MAP4K3: variants seen among roughly 807,000 people sequenced by gnomAD.
MAP4K3 encodes the protein mitogen-activated protein kinase kinase kinase kinase 3.
A neutral mutation model predicts 143.5 loss-of-function variants in MAP4K3; 94 were observed. The observed-to-expected ratio is 0.65, with a 90% CI of 0.55 to 0.78. MAP4K3 has a LOEUF of 0.78. Among genes scored for constraint, MAP4K3 ranks in the 30% least tolerant of loss-of-function variants. The pLI, the probability that MAP4K3 is intolerant of heterozygous loss-of-function variation, is 0.00. For missense variants in MAP4K3, 1,077 were observed against 1,068.1 expected (o/e 1.01, Z -0.12); for synonymous variants, 416 against 347.2 (o/e 1.20, Z -2.20).
At chr2:39,371,184 A>T (rs555953255) in intron 2 of MAP4K3, among the ~76,000 whole-genome samples, 1 of 150,902 alleles carries the variant, frequency 6.6e-6, no homozygotes, top group South Asian at 2.1e-4. Flanking sequence ...AAAAGAAAAG[A>T]TAAGAGTTTT....
intron 1 of MAP4K3, among the ~76,000 whole-genome samples, chr2:39,398,756 A>G (rs576719237): frequency 2.0e-4 from 29 of 142,690 alleles, no homozygotes; most frequent in Admixed American, 4.4e-4. Flanking sequence ...TGATGATGAT[A>G]ATAATTGGCC....
chr2:39,314,037 C>T (rs1317015193), intron 13 of MAP4K3, among the ~76,000 whole-genome samples: 1 of 150,342 alleles, frequency 6.7e-6, no homozygotes, highest in African/African-American at 2.4e-5. Flanking sequence ...CCTCTAATTA[C>T]TTTTTTTTTT....
At chr2:39,404,606 CTTCT>C (rs1421937321) in intron 1 of MAP4K3, among the ~76,000 whole-genome samples, 58 of 137,674 alleles carry the variant, frequency 4.2e-4, no homozygotes, top group South Asian at 9.4e-4. Context: ...TTTTTTTTTT[CTTCT>C]TTCTTTCTTT....
chr2:39,294,451 T>C (rs80002758), intron 16 of MAP4K3, among the ~76,000 whole-genome samples: 4,981 of 152,212 alleles, frequency 0.033, 138 homozygotes, highest in Non-Finnish European at 0.043. Context: ...GGTACCACAG[T>C]CAAATATTAT....
intron 13 of MAP4K3, 56 bp from the exon 14 acceptor site, chr2:39,309,575 T>TTTTTTTGG: frequency 9.9e-7 from 1 of 1,009,298 alleles, no homozygotes; most frequent in Non-Finnish European, 1.4e-6. Context: ...TTTTTTTTTT[T>TTTTTTTGG]GAGGCAGAGT....
chr2:39,273,675 A>C (rs1398827136), intron 24 of MAP4K3, among the ~76,000 whole-genome samples: 1 of 152,218 alleles, frequency 6.6e-6, no homozygotes, highest in East Asian at 1.9e-4. Flanking sequence ...TTTAATAAAA[A>C]TTTTATTTCA....
chr2:39,300,679 C>T (rs1365291756), intron 15 of MAP4K3, among the ~76,000 whole-genome samples: 1 of 152,122 alleles, frequency 6.6e-6, no homozygotes, highest in African/African-American at 2.4e-5. Context: ...TTTATTTTTA[C>T]AAGATATTCT....
intron 1 of MAP4K3, among the ~76,000 whole-genome samples, chr2:39,407,792 T>C (rs1667135421): frequency 6.6e-6 from 1 of 152,094 alleles, no homozygotes; most frequent in Non-Finnish European, 1.5e-5. Flanking sequence ...CCCAGGCTGG[T>C]CTCAAATTCC....
intron 1 of MAP4K3, among the ~76,000 whole-genome samples, chr2:39,402,543 GA>G (rs1666978331): frequency 6.6e-6 from 1 of 152,028 alleles, no homozygotes; most frequent in African/African-American, 2.4e-5. Flanking sequence ...AGGAAAAAAA[GA>G]AAGGAAACAG....
At position 39,290,262 on chromosome 2, in the gene MAP4K3, T is replaced by C. The variant is rs745418026; in HGVS notation, c.1314+30A>G. On this transcript the variant is annotated intron_variant, in intron 19 of 33. Coordinates refer to ENST00000263881, the MANE Select transcript of MAP4K3 (RefSeq NM_003618.4). ...TAAATTGGCAGAACAATAACACACA[T>C]ATATCAAATTGAAAAATAAATCTGT... is the stretch of plus-strand genomic sequence containing the variant. 9 of 1,562,342 alleles carry C rather than the reference T, an allele frequency of 5.8e-6. No homozygotes were observed. In the South Asian group the frequency reaches 1.1e-4, roughly 18 times the overall value.
At chr2:39,298,810 C>T (rs1682390992) in intron 16 of MAP4K3, among the ~76,000 whole-genome samples, 1 of 151,722 alleles carries the variant, frequency 6.6e-6, no homozygotes, top group Admixed American at 6.6e-5. Context: ...TACAAAAATA[C>T]AAAAAATTAG....
At chr2:39,385,690 C>T (rs1024135256) in intron 1 of MAP4K3, among the ~76,000 whole-genome samples, 8 of 148,018 alleles carry the variant, frequency 5.4e-5, no homozygotes, top group East Asian at 2.0e-4. Flanking sequence ...GGTGCAATGG[C>T]GCAATCTTGG....
At chr2:39,348,375 A>T (rs1665356772) in intron 3 of MAP4K3, among the ~76,000 whole-genome samples, 1 of 152,116 alleles carries the variant, frequency 6.6e-6, no homozygotes, top group African/African-American at 2.4e-5. Flanking sequence ...GTAATACTTT[A>T]CTTTTTAAGA....
At chr2:39,398,491 A>G (rs1219821156) in intron 1 of MAP4K3, among the ~76,000 whole-genome samples, 1 of 151,928 alleles carries the variant, frequency 6.6e-6, no homozygotes, top group African/African-American at 2.4e-5. Flanking sequence ...TGAACTAAGG[A>G]GAAGGGACAG....
In MAP4K3 at chr2:39,312,959, G is replaced by A. The variant is rs115978584; in HGVS notation, c.997+2351C>T. 3.2e-3 allele frequency among the ~76,000 whole-genome samples: 494 copies of A among 152,256 alleles called. 3 individuals are homozygous for A. The highest frequency in any genetic ancestry group is 0.011 in the African/African-American group (476 of 41,534). The stretch of plus-strand genomic sequence containing the variant: ...TACAACCCCTGAGTGCAAGGATGCT[G>A]TCTTACTAAAAGCCGTGACTATAGC... On this transcript the variant is annotated intron_variant, in intron 13 of 33. Coordinates refer to ENST00000263881, the MANE Select transcript of MAP4K3 (RefSeq NM_003618.4).
intron 27 of MAP4K3, 91 bp downstream of exon 27, chr2:39,267,098 T>A (rs1352474444): frequency 2.5e-6 from 3 of 1,210,442 alleles, no homozygotes; most frequent in Non-Finnish European, 3.7e-6. Flanking sequence ...AAATAAAGTA[T>A]TGCTGGCAGA....
At chr2:39,350,427 T>C (rs1046983744) in intron 3 of MAP4K3, among the ~76,000 whole-genome samples, 2 of 152,206 alleles carry the variant, frequency 1.3e-5, no homozygotes, top group Non-Finnish European at 2.9e-5. Context: ...TATTTGCAAC[T>C]TTTCGTAAAT....
chr2:39,379,379 C>T (rs1666303652), intron 1 of MAP4K3, among the ~76,000 whole-genome samples: 1 of 152,014 alleles, frequency 6.6e-6, no homozygotes, highest in East Asian at 1.9e-4. Context: ...ATCCCCATAA[C>T]TAATAAACAC....
chr2:39,380,100 TAC>T (rs1666320628), intron 1 of MAP4K3, among the ~76,000 whole-genome samples: 1 of 152,128 alleles, frequency 6.6e-6, no homozygotes, highest in Non-Finnish European at 1.5e-5. Context: ...GTTTTTAAAT[TAC>T]AGTTTTTTAG....
Sources: gnomAD v4.1 joint callset for allele counts (sites outside exome capture counted in the v4.1 genomes callset) on GRCh38, gnomAD v4.1.1 for gene constraint, MANE v1.5 for transcripts, NCBI Gene and HGNC (gene_info 2026-07-23, HGNC 2026-07-21) for gene names.